Variants in OR1J2 observed in about 807,000 individuals in gnomAD.
The protein encoded by OR1J2 is olfactory receptor family 1 subfamily J member 2.
For synonymous variants in OR1J2, 142 were observed against 99.7 expected, an observed-to-expected ratio of 1.42 and a Z score of -2.52; for missense variants, 304 against 246.1, an observed-to-expected ratio of 1.24 and a Z score of -1.57.
chr9:122,564,163 T>C, the OR1J2 span, among the ~76,000 whole-genome samples: 1 of 152,150 alleles, frequency 6.6e-6, no homozygotes, highest in Non-Finnish European at 1.5e-5. Flanking sequence ...ACATCACTGT[T>C]GCCCTCTAGT....
chr9:122,492,176 C>G, the OR1J2 span, among the ~76,000 whole-genome samples: 1 of 151,962 alleles, frequency 6.6e-6, no homozygotes, highest in African/African-American at 2.4e-5. Flanking sequence ...TTAACAGTTC[C>G]CAGTGTCCAT....
At chr9:122,538,979 A>T in the OR1J2 span, among the ~76,000 whole-genome samples, 2 of 152,124 alleles carry the variant, frequency 1.3e-5, no homozygotes, top group Non-Finnish European at 2.9e-5. Context: ...ATTGTGCAAT[A>T]TACCCATGTG....
the OR1J2 span, among the ~76,000 whole-genome samples, chr9:122,566,289 A>C: frequency 6.6e-6 from 1 of 152,208 alleles, no homozygotes; most frequent in African/African-American, 2.4e-5. Context: ...TTGTTTATTA[A>C]TAGTTTTCTA....
chr9:122,508,690 G>A (rs1828574663), upstream of OR1J2, among the ~76,000 whole-genome samples: 1 of 152,140 alleles, frequency 6.6e-6, no homozygotes, highest in Admixed American at 6.5e-5. Flanking sequence ...GGATTTTGTT[G>A]CATTCTGGTC....
the OR1J2 span, among the ~76,000 whole-genome samples, chr9:122,544,131 A>C: frequency 6.6e-6 from 1 of 152,076 alleles, no homozygotes; most frequent in African/African-American, 2.4e-5. Flanking sequence ...TAAATATATA[A>C]AGTTGTCAAT....
chr9:122,512,382 A>G (rs887605901), downstream of OR1J2, among the ~76,000 whole-genome samples: 5 of 152,208 alleles, frequency 3.3e-5, no homozygotes, highest in Non-Finnish European at 7.4e-5. Context: ...TTGATCTACC[A>G]CTACAAATTA....
chr9:122,504,622 C>CT, the OR1J2 span, among the ~76,000 whole-genome samples: 3 of 152,170 alleles, frequency 2.0e-5, no homozygotes, highest in Non-Finnish European at 2.9e-5. Context: ...ACCAGTCCTA[C>CT]TTTAAGTCCC....
At chr9:122,453,103 A>ACCTGCCTGCTCCAGCTTT in the OR1J2 span, among the ~76,000 whole-genome samples, 1 of 150,636 alleles carries the variant, frequency 6.6e-6, no homozygotes, top group South Asian at 2.1e-4. Flanking sequence ...TTTTCATGTG[A>ACCTGCCTGCTCCAGCTTT]CCTGCCTGCT....
chr9:122,459,286 T>G, the OR1J2 span, among the ~76,000 whole-genome samples: 1 of 152,228 alleles, frequency 6.6e-6, no homozygotes, highest in East Asian at 1.9e-4. Flanking sequence ...CATCCTGATT[T>G]CTTTTATTTT....
the OR1J2 span, among the ~76,000 whole-genome samples, chr9:122,533,011 A>G: frequency 2.0e-5 from 3 of 152,260 alleles, no homozygotes; most frequent in African/African-American, 7.2e-5. Context: ...GGCTTGCGGC[A>G]GTACAGCCCA....
At chr9:122,534,052 C>G in the OR1J2 span, among the ~76,000 whole-genome samples, 1 of 152,178 alleles carries the variant, frequency 6.6e-6, no homozygotes, top group Non-Finnish European at 1.5e-5. Context: ...GAATCATGGG[C>G]TGCCGGTATT....
At chr9:122,523,871 C>T in the OR1J2 span, among the ~76,000 whole-genome samples, 23,041 of 152,142 alleles carry the variant, frequency 0.15, 1,902 homozygotes, top group South Asian at 0.21. Context: ...ATCATGCTAC[C>T]TCTCTCCATT....
chr9:122,496,831 G>A, the OR1J2 span, among the ~76,000 whole-genome samples: 8 of 152,096 alleles, frequency 5.3e-5, no homozygotes, highest in Admixed American at 5.2e-4. Context: ...GAGCAGAGGG[G>A]TGACTTTGAA....
At chr9:122,553,855 T>C in the OR1J2 span, 3 of 1,614,134 alleles carry the variant, frequency 1.9e-6, no homozygotes, top group South Asian at 3.3e-5. Context: ...GTTCCCCTCC[T>C]GCTGATCGTC....
At chr9:122,525,973 C>T in the OR1J2 span, among the ~76,000 whole-genome samples, 1 of 152,068 alleles carries the variant, frequency 6.6e-6, no homozygotes, top group African/African-American at 2.4e-5. Context: ...GTGTCATAAC[C>T]CTAGCACTTA....
At chr9:122,551,960 G>C in the OR1J2 span, among the ~76,000 whole-genome samples, 2 of 149,974 alleles carry the variant, frequency 1.3e-5, no homozygotes, top group African/African-American at 4.9e-5. Flanking sequence ...ATCCAAGGAA[G>C]AGAATTGGAG....
the OR1J2 span, among the ~76,000 whole-genome samples, chr9:122,544,975 G>A: frequency 1.3e-5 from 2 of 151,886 alleles, no homozygotes; most frequent in African/African-American, 4.8e-5. Flanking sequence ...AGCATTTAAA[G>A]CAATAAATTT....
chr9:122,451,155 T>C, the OR1J2 span, among the ~76,000 whole-genome samples: 41 of 73,962 alleles, frequency 5.5e-4, no homozygotes, highest in African/African-American at 1.7e-3. Context: ...TCACCTGCAT[T>C]ATTATTATTA....
the OR1J2 span, among the ~76,000 whole-genome samples, chr9:122,462,050 A>G: frequency 6.6e-6 from 1 of 152,142 alleles, no homozygotes; most frequent in East Asian, 1.9e-4. Context: ...GTTGCCATCT[A>G]TCTAATTCCT....
Sources: gnomAD v4.1 joint callset for allele counts (sites outside exome capture counted in the v4.1 genomes callset) on GRCh38, gnomAD v4.1.1 for gene constraint, MANE v1.5 for transcripts, NCBI Gene and HGNC (gene_info 2026-07-23, HGNC 2026-07-21) for gene names.